RBM20: variants seen among roughly 807,000 people sequenced by gnomAD.
RBM20 encodes the protein RNA binding motif protein 20.
A neutral mutation model predicts 110.1 loss-of-function variants in RBM20; 51 were observed. The ratio of observed to expected loss-of-function variants is 0.46; its 90% CI spans 0.37 to 0.59. RBM20 has a LOEUF of 0.59. RBM20 is among the 20% of genes least tolerant of loss of function. The probability of loss-of-function intolerance (pLI) is 0.00; values close to 1 mark genes in which losing one functional copy is unlikely to be tolerated. For missense variants in RBM20, 1,512 were observed against 1,574.9 expected, an observed-to-expected ratio of 0.96 and a Z score of 0.68; for synonymous variants, 589 against 618.2, an observed-to-expected ratio of 0.95 and a Z score of 0.70.
At chr10:110,743,725 C>T (rs954012992) in intron 1 of RBM20, among the ~76,000 whole-genome samples, 3 of 152,216 alleles carry the variant, frequency 2.0e-5, no homozygotes, top group African/African-American at 7.2e-5. Context: ...AAGCGATTCT[C>T]ATGCCTCAGT....
In RBM20 at chr10:110,752,939, ATATATATTT is replaced by A. The variant is rs1446738997; in HGVS notation, c.192-27860_192-27852del. Among the ~76,000 whole-genome samples, 323 of 93,800 alleles carry A rather than the reference ATATATATTT, an allele frequency of 3.4e-3. 9 individuals carry two copies. Among genetic ancestry groups the A allele is most frequent in the Admixed American group, 0.029 (280 of 9,518 alleles). The allele number at this position is 93,800 out of a possible 152,430, so 61.5% of individuals were successfully genotyped here. On this transcript the variant is annotated intron_variant, in intron 1 of 13. Coordinates refer to ENST00000369519, the MANE Select transcript of RBM20 (RefSeq NM_001134363.3). ...TTTATACATATATATATATATATAT[ATATATATTT>A]TTTTTTTTTTTATGAAGTCTCCCTC...
chr10:110,681,615 T>C (rs978061796), intron 1 of RBM20, among the ~76,000 whole-genome samples: 1 of 152,182 alleles, frequency 6.6e-6, no homozygotes, highest in Non-Finnish European at 1.5e-5. Context: ...TAGCCTGAGG[T>C]CGGGTGAGGA....
chr10:110,816,186 C>T (rs1031409050), intron 9 of RBM20, among the ~76,000 whole-genome samples: 17 of 151,902 alleles, frequency 1.1e-4, no homozygotes, highest in African/African-American at 4.1e-4. Flanking sequence ...CTCCTCACCT[C>T]CTTCGTCTTT....
At chr10:110,695,784 A>G (rs969572244) in intron 1 of RBM20, among the ~76,000 whole-genome samples, 2 of 152,234 alleles carry the variant, frequency 1.3e-5, no homozygotes, top group Non-Finnish European at 2.9e-5. Flanking sequence ...TGTGACAGGC[A>G]CTGAGAGGTA....
At chr10:110,734,542 G>A (rs11594499) in intron 1 of RBM20, among the ~76,000 whole-genome samples, 35,786 of 151,518 alleles carry the variant, frequency 0.24, 5,370 homozygotes, top group Middle Eastern at 0.36. Flanking sequence ...TAAATCCTGT[G>A]GGTGAACTCA....
chr10:110,774,107 G>A (rs76945600), intron 1 of RBM20, among the ~76,000 whole-genome samples: 3,902 of 152,202 alleles, frequency 0.026, 161 homozygotes, highest in African/African-American at 0.085. Flanking sequence ...GACCTCACAC[G>A]GTTCATCTGA....
chr10:110,801,320 G>A (rs896109281), intron 7 of RBM20, among the ~76,000 whole-genome samples: 14 of 151,980 alleles, frequency 9.2e-5, no homozygotes, highest in East Asian at 5.8e-4. Context: ...TCAGCTACTC[G>A]GGAGGCTGAG....
Position 110,831,121 on chromosome 10 carries a change from C to A in RBM20, c.3512C>A (p.Thr1171Lys), listed in dbSNP as rs371181124. ...TGCAAGCTGTGTGGGCTGTTCTACA[C>A]GAGCGAGGAGACAGCAAAGATGAGC... The part of the protein sequence containing the change: ...FYCKLCGLFY[T>K]SEETAKMSHC... The change falls in exon 13 of 14, where the codon ACG becomes AAG. Residue 1171 changes from threonine (T) to lysine (K), a missense_variant. Thr to Lys is a moderately conservative substitution (Grantham distance 78). This residue lies in a region of RBM20 where 358 missense variants were observed against 384.2 expected (regional missense o/e 0.93). Transcript: ENST00000369519. The A allele has an allele frequency of 1.3e-6, 2 of 1,551,564 alleles. No individual in the cohort carries two copies. Among genetic ancestry groups the A allele is most frequent in the Non-Finnish European group, 1.7e-6 (2 of 1,146,908 alleles).
chr10:110,752,104 G>A (rs1183677341), intron 1 of RBM20, among the ~76,000 whole-genome samples: 1 of 152,088 alleles, frequency 6.6e-6, no homozygotes, highest in Non-Finnish European at 1.5e-5. Context: ...TACGTTCTGT[G>A]GGTCTGGACA....
chr10:110,802,756 G>C (rs865858318), intron 7 of RBM20, among the ~76,000 whole-genome samples: 1 of 152,244 alleles, frequency 6.6e-6, no homozygotes, highest in South Asian at 2.1e-4. Flanking sequence ...AGGTGCCATG[G>C]AGGGAGAAGT....
At chr10:110,715,030 G>C (rs190302407) in intron 1 of RBM20, among the ~76,000 whole-genome samples, 1 of 152,110 alleles carries the variant, frequency 6.6e-6, no homozygotes, top group Non-Finnish European at 1.5e-5. Flanking sequence ...GGCAGATCAC[G>C]TGAGGTCAGG....
chr10:110,710,192 T>C (rs1308618356), intron 1 of RBM20, among the ~76,000 whole-genome samples: 1 of 152,202 alleles, frequency 6.6e-6, no homozygotes, highest in African/African-American at 2.4e-5. Context: ...TACCAATAGT[T>C]GGACTATGAT....
intron 1 of RBM20, among the ~76,000 whole-genome samples, chr10:110,768,222 A>G (rs1844136126): frequency 6.7e-6 from 1 of 149,944 alleles, no homozygotes; most frequent in African/African-American, 2.5e-5. Context: ...AGACCGTGGA[A>G]AGAGGGGAGA....
chr10:110,663,059 G>C (rs1205346324), intron 1 of RBM20, among the ~76,000 whole-genome samples: 1 of 152,004 alleles, frequency 6.6e-6, no homozygotes, highest in Non-Finnish European at 1.5e-5. Flanking sequence ...CCGCCTCCCA[G>C]GTTCAAGCAA....
intron 1 of RBM20, among the ~76,000 whole-genome samples, chr10:110,683,364 A>G (rs988367762): frequency 6.6e-6 from 1 of 152,250 alleles, no homozygotes; most frequent in South Asian, 2.1e-4. Flanking sequence ...GAGTTGCAGT[A>G]AGAGTGTCCG....
intron 1 of RBM20, among the ~76,000 whole-genome samples, chr10:110,732,807 CA>C (rs1408103442): frequency 6.6e-6 from 1 of 152,146 alleles, no homozygotes; most frequent in Non-Finnish European, 1.5e-5. Flanking sequence ...CACTGGAAAT[CA>C]TTGACTGTGT....
At chr10:110,689,848 G>T (rs1170551202) in intron 1 of RBM20, among the ~76,000 whole-genome samples, 2 of 152,196 alleles carry the variant, frequency 1.3e-5, no homozygotes, top group African/African-American at 4.8e-5. Flanking sequence ...AAATCAGAGA[G>T]GTAGAAGCCA....
At chr10:110,677,420 G>T (rs533472169) in intron 1 of RBM20, among the ~76,000 whole-genome samples, 1 of 151,884 alleles carries the variant, frequency 6.6e-6, no homozygotes, top group South Asian at 2.1e-4. Context: ...CTGGGTTCAC[G>T]CCATTCTCCT....
In RBM20 at chr10:110,812,756, G is replaced by A. The variant is rs886038886; in HGVS notation, c.2359G>A (p.Glu787Lys). Residue 787 changes from glutamate to lysine, a missense_variant, in exon 9 of 14, where the codon GAG becomes AAG. Around this residue, in one of 3 missense-constraint regions of RBM20, gnomAD observed 1,149 missense variants for 1,169.4 expected, o/e 0.98. Transcript: ENST00000369519. ...DAPGRSRRKD[E>K]ARLRESRHPH... ...CCCCGGGAGGTCCAGGAGGAAAGAC[G>A]AGGCCAGGCTGCGGGAAAGCAGACA... The A allele has an allele frequency of 2.6e-5, 40 of 1,551,736 alleles. No homozygotes were observed. The Admixed American group carries it at 4.3e-4, about 17-fold the overall frequency.
Sources: gnomAD v4.1 joint callset for allele counts (sites outside exome capture counted in the v4.1 genomes callset) on GRCh38, gnomAD v4.1.1 for gene constraint, gnomAD v4.1.1 regional missense constraint, MANE v1.5 for transcripts, NCBI Gene and HGNC (gene_info 2026-07-23, HGNC 2026-07-21) for gene names.